SLC16A7: variants seen among roughly 807,000 people sequenced by gnomAD.
SLC16A7 encodes the protein monocarboxylate transporter 2.
In SLC16A7, 33 loss-of-function variants were observed where a neutral mutation model predicts 34.9. The ratio of observed to expected loss-of-function variants is 0.94; its 90% CI spans 0.72 to 1.26. The LOEUF (loss-of-function observed/expected upper bound fraction) is 1.26, where lower values mean the gene tolerates loss of function less well. SLC16A7 is among the 50% of genes most tolerant of loss of function. The pLI, the probability that SLC16A7 is intolerant of heterozygous loss-of-function variation, is 0.00. For missense variants in SLC16A7, 573 were observed against 578.1 expected, an observed-to-expected ratio of 0.99 and a Z score of 0.09; for synonymous variants, 201 against 206.6, an observed-to-expected ratio of 0.97 and a Z score of 0.23.
At chr12:59,645,414 T>A (rs1463595839) in intron 1 of SLC16A7, among the ~76,000 whole-genome samples, 1 of 152,116 alleles carries the variant, frequency 6.6e-6, no homozygotes, top group African/African-American at 2.4e-5. Context: ...TGATAGTAAA[T>A]GAGTTCTCAC....
intron 3 of SLC16A7, among the ~76,000 whole-genome samples, chr12:59,751,820 C>T (rs1440651962): frequency 6.6e-6 from 1 of 152,182 alleles, no homozygotes. Flanking sequence ...GGTCCCTGAC[C>T]CCTGACCCCC....
intron 2 of SLC16A7, among the ~76,000 whole-genome samples, chr12:59,680,669 G>A (rs1484458575): frequency 6.6e-6 from 1 of 150,756 alleles, no homozygotes; most frequent in East Asian, 1.9e-4. Context: ...CTTTCTCATT[G>A]CCTCTCTCCT....
At chr12:59,735,207 T>C (rs768694096) in intron 3 of SLC16A7, among the ~76,000 whole-genome samples, 1 of 152,198 alleles carries the variant, frequency 6.6e-6, no homozygotes, top group East Asian at 1.9e-4. Flanking sequence ...ATAGTTTTTA[T>C]ATTGGAAGAA....
At chr12:59,612,271 C>T (rs1879232502) in intron 1 of SLC16A7, among the ~76,000 whole-genome samples, 1 of 152,232 alleles carries the variant, frequency 6.6e-6, no homozygotes, top group South Asian at 2.1e-4. Context: ...AGGTGCAAAA[C>T]CACGTGTAAG....
Position 59,614,784 on chromosome 12 carries a change from C to T in SLC16A7, c.-130+18548C>T, listed in dbSNP as rs1023668540. Among the ~76,000 whole-genome samples, 6 of 127,326 alleles carry T rather than the reference C, an allele frequency of 4.7e-5. No individual in the cohort carries two copies. In the South Asian group the frequency reaches 1.5e-3, roughly 32 times the overall value. 83.5% of individuals were successfully genotyped at this position (127,326 alleles called of 152,430 possible). On this transcript the variant is annotated intron_variant, in intron 1 of 5. Coordinates refer to ENST00000547379, the MANE Select transcript of SLC16A7 (RefSeq NM_001270623.2). ...CGGGTGGATCACGAGGTCAGGAGAT[C>T]GAGACCATCCTGGCTAACATGGTCA...
At chr12:59,665,840 G>GTGTCTA (rs893774907) in intron 2 of SLC16A7, among the ~76,000 whole-genome samples, 5 of 151,252 alleles carry the variant, frequency 3.3e-5, no homozygotes, top group Non-Finnish European at 5.9e-5. Flanking sequence ...GTGTGTGTGT[G>GTGTCTA]TGTCTATGTG....
At chr12:59,741,865 C>T (rs1360041889) in intron 3 of SLC16A7, among the ~76,000 whole-genome samples, 1 of 152,166 alleles carries the variant, frequency 6.6e-6, no homozygotes, top group African/African-American at 2.4e-5. Context: ...TCTGGGTCTG[C>T]AGCAACCTCA....
At chr12:59,766,901 G>C (rs911858701) in intron 3 of SLC16A7, among the ~76,000 whole-genome samples, 2 of 152,050 alleles carry the variant, frequency 1.3e-5, no homozygotes, top group African/African-American at 2.4e-5. Flanking sequence ...GCTTCAGAAG[G>C]AATGGTACCA....
chr12:59,720,293 G>T, intron 3 of SLC16A7: 1 of 510,666 alleles, frequency 2.0e-6, no homozygotes, highest in Non-Finnish European at 3.4e-6. Context: ...TTTGGTCTAT[G>T]TTTTCTTGAA....
chr12:59,613,468 T>C (rs1377185237), intron 1 of SLC16A7, among the ~76,000 whole-genome samples: 1 of 152,218 alleles, frequency 6.6e-6, no homozygotes, highest in Non-Finnish European at 1.5e-5. Flanking sequence ...GGTTACAATA[T>C]ATTAGTTTTG....
intron 4 of SLC16A7, among the ~76,000 whole-genome samples, chr12:59,772,533 C>A (rs1047285546): frequency 6.6e-6 from 1 of 152,024 alleles, no homozygotes; most frequent in African/African-American, 2.4e-5. Flanking sequence ...TTGATGCCCC[C>A]AAATTCAATT....
intron 3 of SLC16A7, among the ~76,000 whole-genome samples, chr12:59,740,639 G>A (rs1156565443): frequency 6.6e-6 from 1 of 152,136 alleles, no homozygotes; most frequent in African/African-American, 2.4e-5. Context: ...CATTCTCTTT[G>A]AAAACTGGCA....
chr12:59,689,753 C>A (rs1309588821), intron 2 of SLC16A7, among the ~76,000 whole-genome samples: 1 of 151,838 alleles, frequency 6.6e-6, no homozygotes, highest in Non-Finnish European at 1.5e-5. Context: ...AGAAAAGAAC[C>A]AAAACACCAG....
intron 3 of SLC16A7, among the ~76,000 whole-genome samples, chr12:59,765,532 G>A (rs1234288459): frequency 6.6e-6 from 1 of 152,152 alleles, no homozygotes; most frequent in East Asian, 1.9e-4. Context: ...AAGGGATCCA[G>A]TTTCAGCTTT....
intron 1 of SLC16A7, among the ~76,000 whole-genome samples, chr12:59,609,726 C>A (rs1428598948): frequency 6.6e-6 from 1 of 152,064 alleles, no homozygotes; most frequent in East Asian, 1.9e-4. Flanking sequence ...TAGCTCTTGT[C>A]TTGAAGCAGT....
chr12:59,725,281 A>G (rs1003152308), intron 3 of SLC16A7, among the ~76,000 whole-genome samples: 1 of 152,094 alleles, frequency 6.6e-6, no homozygotes, highest in Non-Finnish European at 1.5e-5. Context: ...GTATGAATTC[A>G]TAGATCTTTA....
At chr12:59,752,451 G>A (rs189344748) in intron 3 of SLC16A7, among the ~76,000 whole-genome samples, 115 of 152,302 alleles carry the variant, frequency 7.6e-4, no homozygotes, top group Admixed American at 4.9e-3. Flanking sequence ...AGAACTACGT[G>A]AAAAATGCAG....
chr12:59,638,671 G>A (rs1328962497), intron 1 of SLC16A7, among the ~76,000 whole-genome samples: 1 of 152,118 alleles, frequency 6.6e-6, no homozygotes, highest in African/African-American at 2.4e-5. Context: ...TCTATCAGAG[G>A]AGACTAGAAT....
At chr12:59,746,247 G>T (rs1265293047) in intron 3 of SLC16A7, among the ~76,000 whole-genome samples, 1 of 152,188 alleles carries the variant, frequency 6.6e-6, no homozygotes, top group African/African-American at 2.4e-5. Context: ...GAAGCACAAG[G>T]AGTAATCTAA....
Sources: allele counts gnomAD v4.1 joint callset (sites outside exome capture counted in the v4.1 genomes callset), GRCh38; gene constraint gnomAD v4.1.1; transcripts MANE v1.5; gene names NCBI Gene and HGNC (gene_info 2026-07-23, HGNC 2026-07-21).